The following SLC26A3 variants were observed in gnomAD, a reference collection of about 807,000 sequenced individuals.
SLC26A3 encodes solute carrier family 26 member 3, also known as chloride anion exchanger.
In SLC26A3, 64 loss-of-function variants were observed where a neutral mutation model predicts 85.6. The observed-to-expected ratio is 0.75, with a 90% CI of 0.61 to 0.92. The LOEUF is 0.92. Among genes scored for constraint, SLC26A3 ranks in the 40% least tolerant of loss-of-function variants. SLC26A3 has a pLI of 0.00. For synonymous variants in SLC26A3, 349 were observed against 336.0 expected (o/e 1.04, Z -0.42); for missense variants, 922 against 927.3 (o/e 0.99, Z 0.07).
In SLC26A3 at chr7:107,778,360, C is replaced by CTTTTTTTTTT. The variant is rs10681903; in HGVS notation, c.1408-89_1408-80dup. ...GTCGAGACGGGGTCTTTTAAAAAGA[C>CTTTTTTTTTT]TTTTTTTTTTTTTTTTTGTAGCGAC... On this transcript the variant is annotated intron_variant, in intron 12 of 20. Coordinates refer to ENST00000340010, the MANE Select transcript of SLC26A3 (RefSeq NM_000111.3). 2,602 of 463,166 alleles carry CTTTTTTTTTT rather than the reference C, an allele frequency of 5.6e-3. 107 individuals are homozygous for CTTTTTTTTTT. The highest frequency in any genetic ancestry group is 0.03 in the African/African-American group (935 of 30,668). 28.7% of individuals were successfully genotyped at this position (463,166 alleles called of 1,614,324 possible).
At chr7:107,788,797 T>C (rs1180011995) in intron 6 of SLC26A3, among the ~76,000 whole-genome samples, 1 of 146,866 alleles carries the variant, frequency 6.8e-6, no homozygotes, top group Non-Finnish European at 1.5e-5. Flanking sequence ...TTTTTTTTTT[T>C]TTTTGAGACT....
Position 107,782,294 on chromosome 7 carries a change from C to T in SLC26A3, c.1311+503G>A, listed in dbSNP as rs113193179. Among the ~76,000 whole-genome samples the T allele has an allele frequency of 3.1e-3, 472 of 152,268 alleles. 3 individuals carry two copies. The highest frequency in any genetic ancestry group is 0.011 in the African/African-American group (457 of 41,548). On this transcript the variant is annotated intron_variant, in intron 11 of 20. Coordinates refer to ENST00000340010, the MANE Select transcript of SLC26A3 (RefSeq NM_000111.3). ...ACCCTCAAGCTTATAGGCAGAGGAG[C>T]ATGAGAGTAGGGCTGGGAGGTCTGT...
chr7:107,769,625 G>A (rs78388827), intron 18 of SLC26A3, among the ~76,000 whole-genome samples: 3,187 of 152,170 alleles, frequency 0.021, 99 homozygotes, highest in African/African-American at 0.063. Flanking sequence ...TAACTAATGG[G>A]TGCTAGGCTT....
At chr7:107,774,174 T>C in intron 16 of SLC26A3, 21 bp from the exon 17 acceptor site, 1 of 1,566,140 alleles carries the variant, frequency 6.4e-7, no homozygotes, top group South Asian at 1.1e-5. Flanking sequence ...GGATAACAAG[T>C]ATGAAAACTG....
chr7:107,779,907 C>G (rs990620296), intron 11 of SLC26A3, 144 bp from the exon 12 acceptor site: 8 of 715,028 alleles, frequency 1.1e-5, no homozygotes, highest in Admixed American at 8.1e-5. Flanking sequence ...TGTGCGATGC[C>G]ACGCAAGACA....
In SLC26A3 at chr7:107,786,867, T is replaced by C; in HGVS notation, c.931A>G (p.Asn311Asp). The stretch of plus-strand genomic sequence containing the variant: ...CCAACCACAGCCACTTTAAACCTGT[T>C]TTTAAAGTCACAGCCGTAGGATACA... ...AGVSYGCDFK[N>D]RFKVAVVGDM... The change falls in exon 8 of 21, where the codon AAC becomes GAC. Residue 311 changes from asparagine to aspartate, a missense_variant. Transcript: ENST00000340010. 1 of 1,614,086 alleles carries C rather than the reference T, an allele frequency of 6.2e-7. No homozygotes were observed. Among genetic ancestry groups the C allele is most frequent in the South Asian group, 1.1e-5 (1 of 91,092 alleles).
At chr7:107,799,313 C>G (rs911909291) in intron 1 of SLC26A3, among the ~76,000 whole-genome samples, 1 of 152,196 alleles carries the variant, frequency 6.6e-6, no homozygotes, top group Admixed American at 6.5e-5. Flanking sequence ...CACCAGGTTT[C>G]AAATCCTTGC....
Position 107,794,396 on chromosome 7 carries a change from A to G in SLC26A3, c.114T>C (p.His38=), listed in dbSNP as rs780498972. ...TGRHHKTFLD[H]LKVCCSCSPQ... is the part of the protein sequence containing the mutation. ...TATCTTACCTACAACACACTTTGAG[A>G]TGATCCAGAAATGTCTTATGATGTC... The change falls in exon 2 of 21, where the codon CAT becomes CAC. Residue 38 remains histidine, a synonymous_variant. Transcript: ENST00000340010. 1.7e-5 allele frequency: 28 copies of G among 1,613,946 alleles called. No homozygotes were observed. The highest frequency in any genetic ancestry group is 2.3e-5 in the Non-Finnish European group (27 of 1,179,940).
Position 107,765,728 on chromosome 7 carries a change from C to G in SLC26A3, c.*127G>C, listed in dbSNP as rs1170946526. On this transcript the variant is annotated 3_prime_UTR_variant, in exon 21 of 21. Coordinates refer to ENST00000340010, the MANE Select transcript of SLC26A3 (RefSeq NM_000111.3). ...TATGCCATGCTAGAACCATCTTGTT[C>G]CAAAGTTTGAAACATATTCTGTCAA... 5.6e-6 allele frequency: 4 copies of G among 714,598 alleles called. No individual in the cohort carries two copies. The highest frequency in any genetic ancestry group is 9.9e-6 in the Non-Finnish European group (4 of 403,930). The allele number at this position is 714,598 out of a possible 1,614,324, so 44.3% of individuals were successfully genotyped here. A position where few individuals can be genotyped will look rare whatever the true frequency, so the allele number is the denominator to read the frequency against.
intron 20 of SLC26A3, among the ~76,000 whole-genome samples, chr7:107,766,473 T>C (rs1334334218): frequency 6.6e-6 from 1 of 152,170 alleles, no homozygotes; most frequent in Non-Finnish European, 1.5e-5. Flanking sequence ...TTCTCTGGAA[T>C]CTAGTCCTGG....
rs1182969809 is a variant in SLC26A3, at chr7:107,791,887, A to T, written c.325T>A (p.Ser109Thr). 1.2e-6 allele frequency: 2 copies of T among 1,613,920 alleles called. No individual in the cohort carries two copies. The highest frequency in any genetic ancestry group is 1.7e-6 in the Non-Finnish European group (2 of 1,179,832). Reference protein sequence around the residue: ...DIPPVYGLYASFFPAIIYLFF... With the variant: ...DIPPVYGLYATFFPAIIYLFF... The stretch of plus-strand genomic sequence containing the variant: ...AGGTAGATTATGGCTGGGAAAAAGG[A>T]TGCATACAACCCATAGACTGGGGGA... Residue 109 changes from serine to threonine, a missense_variant, in exon 4 of 21, where the codon TCC becomes ACC. By Grantham distance (58) the Ser-to-Thr change is moderately conservative. Coordinates refer to ENST00000340010, the MANE Select transcript of SLC26A3 (RefSeq NM_000111.3).
intron 18 of SLC26A3, among the ~76,000 whole-genome samples, chr7:107,770,196 G>GTTTT (rs1554377240): frequency 2.2e-3 from 2 of 898 alleles, no homozygotes. Flanking sequence ...AAAAAAAGGG[G>GTTTT]TTTTTTTTTT....
intron 1 of SLC26A3, among the ~76,000 whole-genome samples, chr7:107,794,985 C>T (rs1794472379): frequency 6.6e-6 from 1 of 152,134 alleles, no homozygotes; most frequent in Non-Finnish European, 1.5e-5. Flanking sequence ...CCAGTCCAGA[C>T]TGTTCCAATT....
chr7:107,791,876 T>A lies in SLC26A3; in HGVS notation c.336A>T (p.Pro112=). Residue 112 remains proline, a synonymous_variant, in exon 4 of 21, where the codon CCA becomes CCT. Coordinates refer to ENST00000340010, the MANE Select transcript of SLC26A3 (RefSeq NM_000111.3). ...PVYGLYASFF[P]AIIYLFFGTS... ...TGCCGAAGAAAAGGTAGATTATGGC[T>A]GGGAAAAAGGATGCATACAACCCAT... 1.2e-6 allele frequency: 2 copies of A among 1,613,754 alleles called. No individual in the cohort carries two copies. The highest frequency in any genetic ancestry group is 1.7e-6 in the Non-Finnish European group (2 of 1,179,774).
In SLC26A3 at chr7:107,791,147, C is replaced by T; in HGVS notation, c.471G>A (p.Leu157=). 6.2e-7 allele frequency: 1 copy of T among 1,614,212 alleles called. No homozygotes were observed. Among genetic ancestry groups the T allele is most frequent in the Non-Finnish European group, 8.5e-7 (1 of 1,180,044 alleles). The change falls in exon 5 of 21, where the codon TTG becomes TTA. Residue 157 remains leucine, a synonymous_variant. Transcript: ENST00000340010. ...KAVPDRNATT[L]GLPNNSNNSS... ...AATTATTCGAGTTGTTAGGCAATCC[C>T]AAAGTAGTTGCATTGCGATCTGGGA...
In SLC26A3 at chr7:107,793,746, T is replaced by C. The variant is rs1794444450; in HGVS notation, c.267A>G (p.Leu89=). 1.2e-6 allele frequency: 2 copies of C among 1,613,380 alleles called. No homozygotes were observed. The highest frequency in any genetic ancestry group is 2.2e-5 in the East Asian group (1 of 44,880). ...SGISTGIVAV[L]QGLAFALLVD... Reference sequence around the variant, plus strand: ...TATACTTAAAAAAAATTTTACCTTGTAGTACGGCCACAATCCCTGTGCTGA... The same window carrying C: ...TATACTTAAAAAAAATTTTACCTTGCAGTACGGCCACAATCCCTGTGCTGA... Residue 89 remains leucine, a synonymous_variant, in exon 3 of 21, where the codon CTA becomes CTG. Transcript: ENST00000340010.
chr7:107,770,423 A>T (rs1794010047), intron 18 of SLC26A3, among the ~76,000 whole-genome samples: 1 of 147,614 alleles, frequency 6.8e-6, no homozygotes. Context: ...CACCCAGCTA[A>T]CATTTTTTTT....
Position 107,779,775 on chromosome 7 carries a change from A to G in SLC26A3, c.1312-12T>C. 6.2e-7 allele frequency: 1 copy of G among 1,603,640 alleles called. No homozygotes were observed. Among genetic ancestry groups the G allele is most frequent in the African/African-American group, 1.3e-5 (1 of 74,866 alleles). ...GCTGCCAGGACGGACTGTGAAAAAC[A>G]CAAACATCAGATGTACTTTAAGTTA... On this transcript the variant is annotated splice_polypyrimidine_tract_variant and intron_variant, in intron 11 of 20. Coordinates refer to ENST00000340010, the MANE Select transcript of SLC26A3 (RefSeq NM_000111.3).
rs370147586 is a variant in SLC26A3, at chr7:107,786,600, A to G, written c.971+227T>C. On this transcript the variant is annotated intron_variant, in intron 8 of 20. Coordinates refer to ENST00000340010, the MANE Select transcript of SLC26A3 (RefSeq NM_000111.3). Reference sequence around the variant, plus strand: ...CCTTCTGATATTAAGAACTGCATTCACTGTGGGGAGGCGAAAAAAAAAAAA... The same window carrying G: ...CCTTCTGATATTAAGAACTGCATTCGCTGTGGGGAGGCGAAAAAAAAAAAA... Among the ~76,000 whole-genome samples the G allele has an allele frequency of 2.1e-4, 31 of 144,488 alleles. 1 individual carries two copies. The East Asian group carries it at 5.0e-3, about 23-fold the overall frequency. 94.8% of individuals were successfully genotyped at this position (144,488 alleles called of 152,430 possible).
Sources: gnomAD v4.1 joint callset for allele counts (sites outside exome capture counted in the v4.1 genomes callset) on GRCh38, gnomAD v4.1.1 for gene constraint, MANE v1.5 for transcripts, NCBI Gene and HGNC (gene_info 2026-07-23, HGNC 2026-07-21) for gene names.